The following C8orf34 variants were observed in gnomAD, a reference collection of about 807,000 sequenced individuals.
C8orf34 encodes the protein chromosome 8 open reading frame 34, also known as uncharacterized protein C8orf34.
C8orf34 carries 65 observed loss-of-function variants against 68.3 expected under a neutral mutation model. That is an observed-to-expected ratio of 0.95 (90% CI 0.78 to 1.17). The LOEUF is 1.17. C8orf34 is among the 50% of genes most tolerant of loss of function. The pLI is 0.00. For missense variants in C8orf34, 664 were observed against 655.4 expected, an observed-to-expected ratio of 1.01 and a Z score of -0.14; for synonymous variants, 244 against 241.2, an observed-to-expected ratio of 1.01 and a Z score of -0.11.
At chr8:68,479,930 C>A (rs1812787060) in intron 4 of C8orf34, among the ~76,000 whole-genome samples, 1 of 152,166 alleles carries the variant, frequency 6.6e-6, no homozygotes, top group Admixed American at 6.5e-5. Flanking sequence ...GGCTCATGTT[C>A]TAAGCATGAT....
intron 7 of C8orf34, among the ~76,000 whole-genome samples, chr8:68,571,173 A>T (rs1185623774): frequency 6.6e-6 from 1 of 152,198 alleles, no homozygotes; most frequent in Admixed American, 6.5e-5. Context: ...CAAGAAAGCC[A>T]TGCCAGTGAG....
At chr8:68,438,560 A>G (rs1406502608) in intron 1 of C8orf34, 2 of 152,166 alleles carry the variant, frequency 1.3e-5, no homozygotes, top group Non-Finnish European at 2.9e-5. Flanking sequence ...CTCTCACAGA[A>G]TCCTAGCTTA....
chr8:68,516,649 T>TATTTATTTATTTATTTTTTA (rs11446345), intron 5 of C8orf34, among the ~76,000 whole-genome samples: 3 of 116,286 alleles, frequency 2.6e-5, no homozygotes, highest in African/African-American at 1.7e-4. Flanking sequence ...TTTATTTATT[T>TATTTATTTATTTATTTTTTA]TTTATTTATT....
In C8orf34 at chr8:68,534,388, C is replaced by T. The variant is rs900577163; in HGVS notation, c.1105+1239C>T. ...TACTGAGCACTTACTCTATGCTAAGCACTTGGCTGGGGTCTGGGAACATAA... is the reference window on the plus strand; with the variant it reads ...TACTGAGCACTTACTCTATGCTAAGTACTTGGCTGGGGTCTGGGAACATAA... On this transcript the variant is annotated intron_variant, in intron 7 of 13. Coordinates refer to ENST00000518698, the MANE Select transcript of C8orf34 (RefSeq NM_052958.4). 3.2e-6 allele frequency: 3 copies of T among 930,554 alleles called. No individual in the cohort carries two copies. In the African/African-American group the frequency reaches 5.4e-5, roughly 17 times the overall value. The allele number at this position is 930,554 out of a possible 1,614,324, so 57.6% of individuals were successfully genotyped here.
chr8:68,696,540 C>A (rs938121420), intron 8 of C8orf34, among the ~76,000 whole-genome samples: 1 of 151,438 alleles, frequency 6.6e-6, no homozygotes, highest in Non-Finnish European at 1.5e-5. Flanking sequence ...ATTGATGATT[C>A]AGAAGAGATA....
At chr8:68,795,882 T>C (rs965494936) in intron 12 of C8orf34, among the ~76,000 whole-genome samples, 2 of 152,214 alleles carry the variant, frequency 1.3e-5, no homozygotes, top group Non-Finnish European at 2.9e-5. Context: ...GTAACCCTAC[T>C]GTCCCTGATT....
intron 3 of C8orf34, among the ~76,000 whole-genome samples, chr8:68,467,088 C>G (rs774972684): frequency 4.3e-4 from 66 of 152,028 alleles, no homozygotes; most frequent in Non-Finnish European, 8.1e-4. Flanking sequence ...TCTACACAAT[C>G]AAACATAAGG....
intron 7 of C8orf34, among the ~76,000 whole-genome samples, chr8:68,553,620 A>T (rs996982450): frequency 6.6e-6 from 1 of 151,900 alleles, no homozygotes; most frequent in South Asian, 2.1e-4. Context: ...TGTCCATTTC[A>T]TCTGTTATTT....
chr8:68,335,660 T>C (rs894348480), intron 1 of C8orf34, among the ~76,000 whole-genome samples: 1 of 152,246 alleles, frequency 6.6e-6, no homozygotes, highest in Non-Finnish European at 1.5e-5. Flanking sequence ...TAATGTATTT[T>C]ATTTTCATGC....
At chr8:68,720,694 C>T (rs1396503493) in intron 9 of C8orf34, among the ~76,000 whole-genome samples, 1 of 151,696 alleles carries the variant, frequency 6.6e-6, no homozygotes, top group Non-Finnish European at 1.5e-5. Flanking sequence ...TTACCTATCC[C>T]TATCACAGAA....
intron 5 of C8orf34, among the ~76,000 whole-genome samples, chr8:68,493,297 TC>T (rs1342656343): frequency 1.4e-5 from 1 of 70,378 alleles, no homozygotes; most frequent in Non-Finnish European, 3.9e-5. Flanking sequence ...AACTAATTAC[TC>T]AATTAAAAAT....
intron 9 of C8orf34, among the ~76,000 whole-genome samples, chr8:68,712,520 A>G (rs1475263017): frequency 1.3e-5 from 2 of 152,220 alleles, no homozygotes; most frequent in Non-Finnish European, 2.9e-5. Context: ...AATGGACACC[A>G]AAAGTGAGCA....
chr8:68,746,175 C>A (rs1403975555), intron 10 of C8orf34, among the ~76,000 whole-genome samples: 2 of 152,212 alleles, frequency 1.3e-5, no homozygotes, highest in East Asian at 3.9e-4. Flanking sequence ...TAAAGATGTT[C>A]TTTGAAACCA....
intron 2 of C8orf34, among the ~76,000 whole-genome samples, chr8:68,441,143 G>A (rs1198248397): frequency 2.1e-4 from 32 of 151,022 alleles, no homozygotes. Context: ...GTACCTCAGT[G>A]TTTATGTGTC....
chr8:68,735,498 A>G, intron 10 of C8orf34, among the ~76,000 whole-genome samples: 1 of 152,160 alleles, frequency 6.6e-6, no homozygotes, highest in East Asian at 1.9e-4. Flanking sequence ...AGACATTTAT[A>G]TTGGAGATGT....
At chr8:68,347,523 C>T (rs1367581097) in intron 1 of C8orf34, among the ~76,000 whole-genome samples, 1 of 152,024 alleles carries the variant, frequency 6.6e-6, no homozygotes, top group Non-Finnish European at 1.5e-5. Flanking sequence ...CTTCTTAGGT[C>T]TTTGAAGAAT....
At chr8:68,541,541 G>A (rs567425214) in intron 7 of C8orf34, among the ~76,000 whole-genome samples, 8 of 152,116 alleles carry the variant, frequency 5.3e-5, no homozygotes, top group African/African-American at 1.9e-4. Context: ...TAATACCAAC[G>A]CCTCTCCTGT....
chr8:68,641,279 G>A (rs1006111641), intron 8 of C8orf34, among the ~76,000 whole-genome samples: 1 of 152,200 alleles, frequency 6.6e-6, no homozygotes, highest in Admixed American at 6.5e-5. Context: ...CTTGGATATA[G>A]GGAGGGAGGA....
chr8:68,708,264 T>C (rs1563621917), intron 8 of C8orf34, among the ~76,000 whole-genome samples: 2 of 152,148 alleles, frequency 1.3e-5, no homozygotes, highest in Non-Finnish European at 2.9e-5. Flanking sequence ...ATACAAAAGA[T>C]CAAGAGATAT....
Sources: gnomAD v4.1 joint callset for allele counts (sites outside exome capture counted in the v4.1 genomes callset) on GRCh38, gnomAD v4.1.1 for gene constraint, MANE v1.5 for transcripts, NCBI Gene and HGNC (gene_info 2026-07-23, HGNC 2026-07-21) for gene names.